SLFN12: variants seen among roughly 807,000 people sequenced by gnomAD.
SLFN12 encodes the protein ribonuclease SLFN12.
A neutral mutation model predicts 29.1 loss-of-function variants in SLFN12; 25 were observed. The observed-to-expected ratio is 0.86, with a 90% confidence interval of 0.63 to 1.20. SLFN12 has a LOEUF of 1.20. SLFN12 is among the 50% of genes most tolerant of loss of function. The probability of loss-of-function intolerance (pLI) is 0.00; values close to 1 mark genes in which losing one functional copy is unlikely to be tolerated. For missense variants in SLFN12, 660 were observed against 666.2 expected (o/e 0.99, Z 0.10); for synonymous variants, 257 against 238.7 (o/e 1.08, Z -0.71).
chr17:35,430,471 C>T (rs1003560504), intron 1 of SLFN12: 1 of 152,094 alleles, frequency 6.6e-6, no homozygotes, highest in African/African-American at 2.4e-5. Context: ...TCTCAGTTAC[C>T]ATCATTTTGG....
intron 3 of SLFN12, 148 bp from the exon 4 acceptor site, chr17:35,412,075 T>C (rs556549395): frequency 1.6e-6 from 1 of 611,340 alleles, no homozygotes. Context: ...TTTAAAGAAC[T>C]AGAAAGCACC....
chr17:35,417,034 A>G (rs1458814863), intron 3 of SLFN12, among the ~76,000 whole-genome samples: 1 of 152,182 alleles, frequency 6.6e-6, no homozygotes, highest in African/African-American at 2.4e-5. Context: ...AAGGATAGGA[A>G]AAGAGGAAAT....
intron 1 of SLFN12, among the ~76,000 whole-genome samples, chr17:35,423,842 C>T (rs1294149158): frequency 6.6e-6 from 1 of 151,998 alleles, no homozygotes; most frequent in Non-Finnish European, 1.5e-5. Context: ...TAAAAGGGAC[C>T]CCGGAACACT....
rs369117382 is a variant in SLFN12 at position 35,411,465 on chromosome 17, G to A, written c.1610C>T (p.Ala537Val). 3 of 1,613,732 alleles carry A rather than the reference G, an allele frequency of 1.9e-6. No homozygotes were observed. Among genetic ancestry groups the A allele is most frequent in the East Asian group, 2.2e-5 (1 of 44,888 alleles). ...RKYLLKALFK[A>V]LKRLKSLRDQ... ...TCTCAGAGACTTGAGTCTCTTTAAG[G>A]CTTTAAAAAGGGCTTTCAGCAAGTA... Residue 537 changes from alanine (A) to valine (V), a missense_variant, in exon 4 of 4, where the codon GCC (alanine) becomes GTC (valine). Coordinates refer to ENST00000304905, the MANE Select transcript of SLFN12 (RefSeq NM_018042.5).
intron 3 of SLFN12, among the ~76,000 whole-genome samples, chr17:35,414,425 G>T (rs1322516142): frequency 6.6e-6 from 1 of 151,996 alleles, no homozygotes; most frequent in Admixed American, 6.5e-5. Context: ...TTTCTATACT[G>T]ATATCTATAA....
At chr17:35,423,097 G>C in intron 1 of SLFN12, 29 bp from the exon 2 acceptor site, 1 of 1,522,960 alleles carries the variant, frequency 6.6e-7, no homozygotes, top group Non-Finnish European at 8.7e-7. Flanking sequence ...CATTAGAATA[G>C]GACCTGAACT....
intron 2 of SLFN12, among the ~76,000 whole-genome samples, chr17:35,421,534 CTTTTTTT>C (rs770181686): frequency 9.6e-6 from 1 of 104,296 alleles, no homozygotes; most frequent in Admixed American, 1.0e-4. Flanking sequence ...AGGCAGGGAA[CTTTTTTT>C]TTTTTTTTTT....
intron 1 of SLFN12, among the ~76,000 whole-genome samples, chr17:35,425,818 TTTTTCTTTTC>T (rs1397735905): frequency 2.1e-5 from 3 of 140,250 alleles, no homozygotes; most frequent in Non-Finnish European, 4.7e-5. Flanking sequence ...ATGGTGGTTC[TTTTTCTTTTC>T]TTTTCTTTTC....
intron 3 of SLFN12, among the ~76,000 whole-genome samples, chr17:35,415,254 A>C (rs1341987382): frequency 6.6e-6 from 1 of 152,110 alleles, no homozygotes; most frequent in African/African-American, 2.4e-5. Flanking sequence ...AAGCAAAAAC[A>C]AAGTGGGGAA....
rs751707248 is a variant in SLFN12, at chr17:35,411,351, C to T, written c.1724G>A (p.Arg575Gln). The change falls in exon 4 of 4, where the codon CGA becomes CAA. Residue 575 changes from arginine (R) to glutamine (Q), a missense_variant. Transcript: ENST00000304905. ...GTCCATTTTCCATCAGGTGAGCCTT[C>T]GACAAGATTTAAACATCTTTTTATC... The part of the protein sequence containing the change: ...KNDKKMFKSC[R>Q]RLT 19 of 1,542,112 alleles carry T rather than the reference C, an allele frequency of 1.2e-5. No individual in the cohort carries two copies. The highest frequency in any genetic ancestry group is 3.8e-5 in the South Asian group (3 of 79,372).
In SLFN12 at chr17:35,425,756, A is replaced by C. The variant is rs939071606; in HGVS notation, c.-40-2688T>G. Among the ~76,000 whole-genome samples the C allele has an allele frequency of 2.7e-5, 4 of 150,660 alleles. No homozygotes were observed. The East Asian group carries it at 7.7e-4, about 29-fold the overall frequency. ...GAGAGTACAGATATCTCTTTGATAGACTGATTTCATTCCCTCTGGATATTT... is the reference window on the plus strand; with the variant it reads ...GAGAGTACAGATATCTCTTTGATAGCCTGATTTCATTCCCTCTGGATATTT... On this transcript the variant is annotated intron_variant, in intron 1 of 3. Transcript: ENST00000304905.
rs370501256 is a variant in SLFN12, at chr17:35,411,330, A to C, written c.*8T>G. On this transcript the variant is annotated 3_prime_UTR_variant, in exon 4 of 4. Transcript: ENST00000304905. Reference sequence around the variant, plus strand: ...GAAAAATATCTCAGTAGCCCAGTCCATTTTCCATCAGGTGAGCCTTCGACA... The same window carrying C: ...GAAAAATATCTCAGTAGCCCAGTCCCTTTTCCATCAGGTGAGCCTTCGACA... 9 of 1,501,400 alleles carry C rather than the reference A, an allele frequency of 6.0e-6. No homozygotes were observed. The African/African-American group carries it at 1.3e-4, about 21-fold the overall frequency. 93.0% of individuals were successfully genotyped at this position (1,501,400 alleles called of 1,614,324 possible).
intron 2 of SLFN12, 107 bp from the exon 3 acceptor site, chr17:35,420,488 C>CA (rs1004940645): frequency 7.6e-4 from 509 of 665,744 alleles, no homozygotes; most frequent in African/African-American, 1.5e-3. Context: ...TTCTGTTTTC[C>CA]AAAAAAAAAT....
chr17:35,423,430 C>A (rs1042580230), intron 1 of SLFN12, among the ~76,000 whole-genome samples: 8 of 151,962 alleles, frequency 5.3e-5, no homozygotes, highest in Admixed American at 2.0e-4. Context: ...TTTAGTTATA[C>A]ATATTATTTC....
chr17:35,419,409 A>T (rs1407843306), intron 3 of SLFN12, among the ~76,000 whole-genome samples: 1 of 152,070 alleles, frequency 6.6e-6, no homozygotes, highest in Non-Finnish European at 1.5e-5. Flanking sequence ...TCTCTAAATT[A>T]CTCCTATAAA....
At chr17:35,432,923 A>G (rs1567855080), upstream of SLFN12, 2 of 152,302 alleles carry the variant, frequency 1.3e-5, no homozygotes, top group African/African-American at 4.8e-5. Context: ...GGTGCTCCCT[A>G]GAAGCTGGAT....
At chr17:35,418,543 T>C (rs1203572499) in intron 3 of SLFN12, among the ~76,000 whole-genome samples, 8 of 151,726 alleles carry the variant, frequency 5.3e-5, no homozygotes, top group African/African-American at 1.2e-4. Context: ...TAGTATATGA[T>C]ACTTATTGTA....
chr17:35,421,611 C>A (rs1013982738), intron 2 of SLFN12, among the ~76,000 whole-genome samples: 1 of 148,478 alleles, frequency 6.7e-6, no homozygotes, highest in Non-Finnish European at 1.5e-5. Context: ...GCAATCTCCG[C>A]CCACTGCAAC....
At chr17:35,421,889 C>T (rs1911678710) in intron 2 of SLFN12, 101 bp downstream of exon 2, 6 of 1,433,724 alleles carry the variant, frequency 4.2e-6, no homozygotes, top group Admixed American at 2.5e-5. Flanking sequence ...AGTTTAGGTG[C>T]TGAAATTTGA....
Sources: gnomAD v4.1 joint callset for allele counts (sites outside exome capture counted in the v4.1 genomes callset) on GRCh38, gnomAD v4.1.1 for gene constraint, MANE v1.5 for transcripts, NCBI Gene and HGNC (gene_info 2026-07-23, HGNC 2026-07-21) for gene names.